FAM47B: variants seen among roughly 807,000 people sequenced by gnomAD.
FAM47B encodes family with sequence similarity 47 member B, also known as protein FAM47B.
For synonymous variants in FAM47B, 247 were observed against 215.8 expected (o/e 1.14, Z -1.27); for missense variants, 581 against 550.1 (o/e 1.06, Z -0.56).
At position 34,944,826 on chromosome X, in the gene FAM47B, T is replaced by A. The variant is rs1454008675; in HGVS notation, c.*57T>A. On this transcript the variant is annotated 3_prime_UTR_variant, in exon 1 of 1. Coordinates refer to ENST00000329357, the MANE Select transcript of FAM47B (RefSeq NM_152631.3). ...TTCTTGCTCTCATTCTAAACATCAA[T>A]CAGAATTTATGATGACTGGCCCCGT... 7.3e-6 allele frequency: 8 copies of A among 1,101,563 alleles called. No homozygotes were observed. In the African/African-American group the frequency reaches 9.3e-5, roughly 13 times the overall value. 90.8% of individuals were successfully genotyped at this position (1,101,563 alleles called of 1,213,427 possible).
rs1926820860 is a variant in FAM47B at position 34,943,582 on chromosome X, C to T, written c.751C>T (p.Pro251Ser). ...ETRASHLRVD[P>S]PETGVSHLCP... ...TCGCGCATCTCATCTCCGCGTGGAT[C>T]CTCCCGAGACTGGAGTGTCCCATCT... Residue 251 changes from proline (P) to serine (S), a missense_variant, in exon 1 of 1, where the codon CCT becomes TCT. Physicochemically the swap from Pro to Ser is moderately conservative, Grantham distance 74. Coordinates refer to ENST00000329357, the MANE Select transcript of FAM47B (RefSeq NM_152631.3). 10 of 1,210,666 alleles carry T rather than the reference C, an allele frequency of 8.3e-6. No homozygotes were observed. The highest frequency in any genetic ancestry group is 5.2e-5 in the African/African-American group (3 of 57,372).
Position 34,944,910 on chromosome X carries a change from T to A in FAM47B, c.*141T>A. ...ATACCCAATGCTTATAAATATGTCT[T>A]AATGACCTGCTTTGGCCTCATTATT... On this transcript the variant is annotated 3_prime_UTR_variant, in exon 1 of 1. Transcript: ENST00000329357. 1.6e-6 allele frequency: 1 copy of A among 620,157 alleles called. No individual in the cohort carries two copies. The highest frequency in any genetic ancestry group is 2.4e-6 in the Non-Finnish European group (1 of 424,744). 51.1% of individuals were successfully genotyped at this position (620,157 alleles called of 1,213,427 possible).
chrX:34,944,546 C>T lies in FAM47B; in HGVS notation c.1715C>T (p.Pro572Leu), dbSNP rs1257090671. The change falls in exon 1 of 1, where the codon CCC becomes CTC. Residue 572 changes from proline to leucine, a missense_variant. Transcript: ENST00000329357. ...GATGAACCTTTGATTGACCCCAAGC[C>T]CGTACTTGAAAAGCCTGATGAACCC... ...RSDEPLIDPK[P>L]VLEKPDEPDI... 1.7e-6 allele frequency: 2 copies of T among 1,208,543 alleles called. No individual in the cohort carries two copies. Among genetic ancestry groups the T allele is most frequent in the Non-Finnish European group, 2.2e-6 (2 of 894,650 alleles).
Position 34,942,865 on chromosome X carries a change from T to A in FAM47B, c.34T>A (p.Ser12Thr), listed in dbSNP as rs1443856236. 8.3e-7 allele frequency: 1 copy of A among 1,208,991 alleles called. No homozygotes were observed. The highest frequency in any genetic ancestry group is 1.1e-6 in the Non-Finnish European group (1 of 893,659). The change falls in exon 1 of 1, where the codon TCC becomes ACC. Residue 12 changes from serine to threonine, a missense_variant. Physicochemically the swap from Ser to Thr is moderately conservative, Grantham distance 58. Transcript: ENST00000329357. ...CCGGAGGCCACAGGACCGGCCAAGG[T>A]CCCAAGGCATGGACTCCAAGCCCTG... The part of the protein sequence containing the change: ...GDRRPQDRPR[S>T]QGMDSKPWYC...
chrX:34,943,161 A>T lies in FAM47B; in HGVS notation c.330A>T (p.Val110=). Residue 110 remains valine, a synonymous_variant, in exon 1 of 1, where the codon GTA becomes GTT. Transcript: ENST00000329357. ...CCCTATTTTCCGAGCTCTCGCCAGT[A>T]CAGCCAGCACGGAAGGCGTTCGTAG... ...KAALFSELSP[V]QPARKAFVEE... is the part of the protein sequence containing the mutation. The T allele has an allele frequency of 2.5e-6, 3 of 1,211,623 alleles. No homozygotes were observed. Among genetic ancestry groups the T allele is most frequent in the Non-Finnish European group, 3.3e-6 (3 of 895,530 alleles).
In FAM47B at chrX:34,943,820, A is replaced by G; in HGVS notation, c.989A>G (p.His330Arg). ...CPEPPEAGVS[H>R]LCLEPPNTHR... ...GAGCCTCCCGAGGCTGGAGTGTCCC[A>G]TCTCTGCCTGGAACCTCCCAACACT... The change falls in exon 1 of 1, where the codon CAT (histidine) becomes CGT (arginine). Residue 330 changes from histidine to arginine, a missense_variant. Coordinates refer to ENST00000329357, the MANE Select transcript of FAM47B (RefSeq NM_152631.3). The G allele has an allele frequency of 2.5e-6, 3 of 1,209,877 alleles. No homozygotes were observed. Among genetic ancestry groups the G allele is most frequent in the Non-Finnish European group, 3.4e-6 (3 of 895,016 alleles).
At position 34,942,999 on chromosome X, in the gene FAM47B, C is replaced by A. The variant is rs776418751; in HGVS notation, c.168C>A (p.Asp56Glu). Residue 56 changes from aspartate to glutamate, a missense_variant, in exon 1 of 1, where the codon GAC becomes GAA. Coordinates refer to ENST00000329357, the MANE Select transcript of FAM47B (RefSeq NM_152631.3). The stretch of plus-strand genomic sequence containing the variant: ...GGGTATTTGTGACGGAGGGCATGGA[C>A]GACTTCCGCTACGCCTGTCAGTCTC... ...QNWVFVTEGM[D>E]DFRYACQSPE... 1.8e-5 allele frequency: 22 copies of A among 1,210,964 alleles called. No individual in the cohort carries two copies. In the Admixed American group the frequency reaches 4.4e-4, roughly 24 times the overall value.
Position 34,944,368 on chromosome X carries a change from G to T in FAM47B, c.1537G>T (p.Glu513Ter). The T allele has an allele frequency of 8.3e-7, 1 of 1,211,951 alleles. No individual in the cohort carries two copies. The highest frequency in any genetic ancestry group is 1.8e-5 in the South Asian group (1 of 57,005). ...ECASRLMYGM[E>*]LDDMDEVEFL... ...TGCTTCAAGGCTGATGTACGGCATG[G>T]AGCTAGACGACATGGATGAGGTCGA... The change falls in exon 1 of 1, where the codon GAG (glutamate) becomes TAG (stop). Residue 513 changes from glutamate to a stop codon, truncating the protein, a stop_gained. Coordinates refer to ENST00000329357, the MANE Select transcript of FAM47B (RefSeq NM_152631.3). LOFTEE classifies it low-confidence loss of function (END_TRUNC).
chrX:34,943,574 G>A lies in FAM47B; in HGVS notation c.743G>A (p.Arg248His), dbSNP rs770232500. 10 of 1,206,475 alleles carry A rather than the reference G, an allele frequency of 8.3e-6. No individual in the cohort carries two copies. The highest frequency in any genetic ancestry group is 3.0e-5 in the East Asian group (1 of 33,585). ...EPPETRASHL[R>H]VDPPETGVSH... ...CCAGAGACTCGCGCATCTCATCTCC[G>A]CGTGGATCCTCCCGAGACTGGAGTG... The change falls in exon 1 of 1, where the codon CGC becomes CAC. Residue 248 changes from arginine to histidine, a missense_variant. Transcript: ENST00000329357.
chrX:34,943,814 T>A lies in FAM47B; in HGVS notation c.983T>A (p.Val328Glu). ...TGCCCGGAGCCTCCCGAGGCTGGAG[T>A]GTCCCATCTCTGCCTGGAACCTCCC... The part of the protein sequence containing the change: ...SLCPEPPEAG[V>E]SHLCLEPPNT... Residue 328 changes from valine to glutamate, a missense_variant, in exon 1 of 1, where the codon GTG (valine) becomes GAG (glutamate). Coordinates refer to ENST00000329357, the MANE Select transcript of FAM47B (RefSeq NM_152631.3). 8.4e-7 allele frequency: 1 copy of A among 1,190,533 alleles called. No homozygotes were observed. Among genetic ancestry groups the A allele is most frequent in the Non-Finnish European group, 1.1e-6 (1 of 887,728 alleles).
Position 34,943,034 on chromosome X carries a change from C to A in FAM47B, c.203C>A (p.Thr68Lys). 19 of 1,212,250 alleles carry A rather than the reference C, an allele frequency of 1.6e-5. No homozygotes were observed. The highest frequency in any genetic ancestry group is 2.1e-5 in the Non-Finnish European group (19 of 895,634). Residue 68 changes from threonine to lysine, a missense_variant, in exon 1 of 1, where the codon ACG (threonine) becomes AAG (lysine). Thr to Lys is a moderately conservative substitution (Grantham distance 78). Transcript: ENST00000329357. ...TACGCCTGTCAGTCTCCTGAAGATA[C>A]GCTTGTTTGTCGCCGTGACGAGTTT... ...FRYACQSPED[T>K]LVCRRDEFLL...
chrX:34,942,945 G>C lies in FAM47B; in HGVS notation c.114G>C (p.Leu38=), dbSNP rs745488925. The stretch of plus-strand genomic sequence containing the variant: ...TCGCGAAGCGCAAGCACAGGCGCCT[G>C]AGGTTCCCGCCTGTGGACACCCAGA... ...KYFAKRKHRR[L]RFPPVDTQNW... is the part of the protein sequence containing the mutation. Residue 38 remains leucine, a synonymous_variant, in exon 1 of 1, where the codon CTG becomes CTC. Transcript: ENST00000329357. 25 of 1,210,886 alleles carry C rather than the reference G, an allele frequency of 2.1e-5. No homozygotes were observed. Among genetic ancestry groups the C allele is most frequent in the Non-Finnish European group, 2.6e-5 (23 of 895,361 alleles).
Position 34,943,603 on chromosome X carries a change from C to A in FAM47B, c.772C>A (p.His258Asn), listed in dbSNP as rs1926822554. 4 of 1,206,835 alleles carry A rather than the reference C, an allele frequency of 3.3e-6. No homozygotes were observed. Among genetic ancestry groups the A allele is most frequent in the Non-Finnish European group, 4.5e-6 (4 of 894,223 alleles). ...GGATCCTCCCGAGACTGGAGTGTCC[C>A]ATCTCTGCCCAGAGCCTCCCAAGAC... Reference protein sequence around the residue: ...RVDPPETGVSHLCPEPPKTLV... With the variant: ...RVDPPETGVSNLCPEPPKTLV... The change falls in exon 1 of 1, where the codon CAT becomes AAT. Residue 258 changes from histidine to asparagine, a missense_variant. Coordinates refer to ENST00000329357, the MANE Select transcript of FAM47B (RefSeq NM_152631.3).
rs774303700 is a variant in FAM47B at position 34,944,045 on chromosome X, G to T, written c.1214G>T (p.Arg405Leu). 1 of 1,205,102 alleles carries T rather than the reference G, an allele frequency of 8.3e-7. No individual in the cohort carries two copies. The highest frequency in any genetic ancestry group is 1.8e-5 in the South Asian group (1 of 56,646). Residue 405 changes from arginine (R) to leucine (L), a missense_variant, in exon 1 of 1, where the codon CGT (arginine) becomes CTT (leucine). By Grantham distance (102) the Arg-to-Leu change is moderately radical (BLOSUM62 -2). Transcript: ENST00000329357. ...PHLRLVLPIT[R>L]RMASLCLKPP... is the part of the protein sequence containing the mutation. ...CTCCGCCTGGTGCTTCCCATAACTC[G>T]TCGAATGGCCAGTCTCTGCCTGAAG... is the stretch of plus-strand genomic sequence containing the variant.
Position 34,944,087 on chromosome X carries a change from G to C in FAM47B, c.1256G>C (p.Arg419Pro), listed in dbSNP as rs146264202. Residue 419 changes from arginine to proline, a missense_variant, in exon 1 of 1, where the codon CGG becomes CCG. By Grantham distance (103) the Arg-to-Pro change is moderately radical. Transcript: ENST00000329357. ...TGCCTGAAGCCTCCCAAGACTCGTC[G>C]GGTGTCCAGTCTCTGCCCGGAGCCT... ...SLCLKPPKTR[R>P]VSSLCPEPTK... 5.7e-3 allele frequency: 6,881 copies of C among 1,199,341 alleles called. 21 individuals are homozygous for C. The highest frequency in any genetic ancestry group is 5.9e-3 in the Non-Finnish European group (5,269 of 891,693).
chrX:34,943,155 G>T lies in FAM47B; in HGVS notation c.324G>T (p.Ser108=), dbSNP rs753064894. The T allele has an allele frequency of 3.3e-6, 4 of 1,209,550 alleles. No homozygotes were observed. The highest frequency in any genetic ancestry group is 3.5e-5 in the South Asian group (2 of 56,749). ...LKKAALFSEL[S]PVQPARKAFV... The stretch of plus-strand genomic sequence containing the variant: ...AAGCGGCCCTATTTTCCGAGCTCTC[G>T]CCAGTACAGCCAGCACGGAAGGCGT... The change falls in exon 1 of 1, where the codon TCG becomes TCT. Residue 108 remains serine (S), a synonymous_variant. Coordinates refer to ENST00000329357, the MANE Select transcript of FAM47B (RefSeq NM_152631.3).
chrX:34,944,685 C>G lies in FAM47B; in HGVS notation c.1854C>G (p.Tyr618Ter), dbSNP rs761991298. Residue 618 changes from tyrosine (Y) to a stop codon, truncating the protein, a stop_gained, in exon 1 of 1, where the codon TAC (tyrosine) becomes TAG (stop). Transcript: ENST00000329357. LOFTEE classifies it low-confidence loss of function (END_TRUNC). Reference protein sequence around the residue: ...EKLFAKKGWTYDSVKTPIQRA... With the variant: ...EKLFAKKGWT ...TGTTTGCCAAGAAGGGATGGACTTA[C>G]GACTCTGTTAAGACTCCTATTCAAC... 3 of 1,208,817 alleles carry G rather than the reference C, an allele frequency of 2.5e-6. No individual in the cohort carries two copies. The highest frequency in any genetic ancestry group is 3.5e-5 in the African/African-American group (2 of 57,158).
Position 34,944,428 on chromosome X carries a change from C to T in FAM47B, c.1597C>T (p.Arg533Trp), listed in dbSNP as rs763149329. The part of the protein sequence containing the change: ...LRIKYWDRRR[R>W]AAPHSYSAQR... ...GATAAAATACTGGGACAGGAGACGC[C>T]GGGCGGCACCGCATTCTTATAGTGC... Residue 533 changes from arginine to tryptophan, a missense_variant, in exon 1 of 1, where the codon CGG becomes TGG. Coordinates refer to ENST00000329357, the MANE Select transcript of FAM47B (RefSeq NM_152631.3). The T allele has an allele frequency of 1.7e-6, 2 of 1,209,711 alleles. No individual in the cohort carries two copies. The highest frequency in any genetic ancestry group is 2.2e-6 in the Non-Finnish European group (2 of 895,207).
Position 34,943,770 on chromosome X carries a change from G to C in FAM47B, c.939G>C (p.Lys313Asn). The change falls in exon 1 of 1, where the codon AAG (lysine) becomes AAC (asparagine). Residue 313 changes from lysine to asparagine, a missense_variant. Coordinates refer to ENST00000329357, the MANE Select transcript of FAM47B (RefSeq NM_152631.3). ...CCCATCTCCGCCCAGAGCCTTCCAA[G>C]ACTCAGGTGTCCAGTCTCTGCCCGG... The part of the protein sequence containing the change: ...GVSHLRPEPS[K>N]TQVSSLCPEP... 1 of 1,209,515 alleles carries C rather than the reference G, an allele frequency of 8.3e-7. No individual in the cohort carries two copies. The highest frequency in any genetic ancestry group is 1.1e-6 in the Non-Finnish European group (1 of 894,908).
Sources: gnomAD v4.1 joint callset for allele counts on GRCh38, gnomAD v4.1.1 for gene constraint, MANE v1.5 for transcripts, NCBI Gene and HGNC (gene_info 2026-07-23, HGNC 2026-07-21) for gene names.